Variants in SETBP1 observed in about 807,000 individuals in gnomAD.
SETBP1 encodes the protein SET-binding protein.
SETBP1 carries 9 observed loss-of-function variants against 101.0 expected under a neutral mutation model. The observed-to-expected ratio is 0.09, with a 90% CI of 0.05 to 0.16. The LOEUF (loss-of-function observed/expected upper bound fraction) is 0.16, where lower values mean the gene tolerates loss of function less well. Ranked by LOEUF, SETBP1 falls within the 10% of genes least tolerant of loss-of-function variation. SETBP1 has a pLI of 1.00. For synonymous variants in SETBP1, 818 were observed against 788.5 expected (o/e 1.04, Z -0.63); for missense variants, 1,858 against 2,033.8 (o/e 0.91, Z 1.66).
intron 2 of SETBP1, among the ~76,000 whole-genome samples, chr18:44,781,738 C>CA (rs1469709903): frequency 5.3e-5 from 8 of 152,130 alleles, no homozygotes; most frequent in Admixed American, 5.2e-4. Flanking sequence ...TACCACAATG[C>CA]AAAAAACTGA....
At chr18:44,968,779 T>C (rs2071776969) in intron 4 of SETBP1, among the ~76,000 whole-genome samples, 2 of 152,244 alleles carry the variant, frequency 1.3e-5, no homozygotes, top group African/African-American at 4.8e-5. Flanking sequence ...AATGACTTGC[T>C]CCTTGAGAGT....
intron 2 of SETBP1, among the ~76,000 whole-genome samples, chr18:44,727,601 A>T (rs1198835550): frequency 2.0e-5 from 3 of 152,198 alleles, no homozygotes; most frequent in Middle Eastern, 3.2e-3. Flanking sequence ...AACAACAATC[A>T]TTTACGCAAC....
intron 2 of SETBP1, among the ~76,000 whole-genome samples, chr18:44,828,083 AG>A (rs1390791123): frequency 6.6e-6 from 1 of 152,140 alleles, no homozygotes; most frequent in Non-Finnish European, 1.5e-5. Flanking sequence ...CACTTCTCAA[AG>A]TGTTCTTCTC....
At chr18:44,812,399 T>C (rs960917789) in intron 2 of SETBP1, among the ~76,000 whole-genome samples, 1 of 152,200 alleles carries the variant, frequency 6.6e-6, no homozygotes, top group African/African-American at 2.4e-5. Context: ...TTAGTGCTCC[T>C]AGATTCCTCT....
intron 4 of SETBP1, among the ~76,000 whole-genome samples, chr18:45,034,387 G>A (rs940368624): frequency 3.3e-5 from 5 of 152,108 alleles, no homozygotes; most frequent in Admixed American, 1.3e-4. Context: ...CTTCTGCATC[G>A]AAGGAGCAGG....
intron 2 of SETBP1, among the ~76,000 whole-genome samples, chr18:44,722,946 G>A (rs759324425): frequency 3.3e-5 from 5 of 152,222 alleles, no homozygotes; most frequent in Non-Finnish European, 7.3e-5. Flanking sequence ...AAAAATGGGA[G>A]TCCTTCTGAG....
intron 2 of SETBP1, among the ~76,000 whole-genome samples, chr18:44,781,297 T>G (rs1731711009): frequency 6.6e-6 from 1 of 152,200 alleles, no homozygotes; most frequent in Non-Finnish European, 1.5e-5. Context: ...AGGGTGGCTA[T>G]GCAAGGATAT....
At chr18:44,942,345 G>C (rs2145052696) in intron 3 of SETBP1, among the ~76,000 whole-genome samples, 1 of 152,288 alleles carries the variant, frequency 6.6e-6, no homozygotes, top group Middle Eastern at 3.4e-3. Context: ...GCTAGGCTTT[G>C]TGAAATCTTA....
chr18:45,060,319 A>G (rs1407688633), intron 5 of SETBP1, among the ~76,000 whole-genome samples: 3 of 151,974 alleles, frequency 2.0e-5, no homozygotes, highest in Non-Finnish European at 2.9e-5. Flanking sequence ...TTGCCCAATC[A>G]CTCTCCAAAA....
At chr18:44,984,752 A>G (rs572484000) in intron 4 of SETBP1, among the ~76,000 whole-genome samples, 3 of 152,266 alleles carry the variant, frequency 2.0e-5, no homozygotes, top group African/African-American at 4.8e-5. Context: ...TCATGTTACT[A>G]ATTATTATCA....
chr18:44,707,150 A>G (rs545341668), intron 2 of SETBP1, among the ~76,000 whole-genome samples: 1 of 152,330 alleles, frequency 6.6e-6, no homozygotes, highest in African/African-American at 2.4e-5. Context: ...AGCCAATTCT[A>G]TTAGACTCCA....
chr18:44,952,377 T>C lies in SETBP1; in HGVS notation c.3037T>C (p.Leu1013=), dbSNP rs1349896350. The C allele has an allele frequency of 1.2e-6, 2 of 1,614,010 alleles. No individual in the cohort carries two copies. Among genetic ancestry groups the C allele is most frequent in the African/African-American group, 2.7e-5 (2 of 74,902 alleles). Residue 1013 remains leucine (L), a synonymous_variant, in exon 4 of 6, where the codon TTG becomes CTG. Coordinates refer to ENST00000649279, the MANE Select transcript of SETBP1 (RefSeq NM_015559.3). Reference sequence around the variant, plus strand: ...GCTCTATCTTCGTAGGACTTCAGACTTGAAGTCAAAGAAGAAGCGTGGTAG... The same window carrying C: ...GCTCTATCTTCGTAGGACTTCAGACCTGAAGTCAAAGAAGAAGCGTGGTAG... ...PLLYLRRTSD[L]KSKKKRGRPA... is the part of the protein sequence containing the mutation.
At chr18:44,686,307 A>G (rs936873221) in intron 1 of SETBP1, among the ~76,000 whole-genome samples, 1 of 152,174 alleles carries the variant, frequency 6.6e-6, no homozygotes, top group Non-Finnish European at 1.5e-5. Flanking sequence ...ATTTTATGCA[A>G]TATGCCCCAG....
intron 3 of SETBP1, chr18:44,876,681 A>G (rs939508632): frequency 1.3e-6 from 2 of 1,540,110 alleles, no homozygotes; most frequent in Non-Finnish European, 1.7e-6. Context: ...CCCGGAACCC[A>G]TTCCCCGCAA....
chr18:44,811,775 C>T (rs2071866951), intron 2 of SETBP1, among the ~76,000 whole-genome samples: 1 of 152,202 alleles, frequency 6.6e-6, no homozygotes, highest in South Asian at 2.1e-4. Flanking sequence ...TACAAGCCTG[C>T]CATGGCTCTG....
intron 3 of SETBP1, among the ~76,000 whole-genome samples, chr18:44,928,084 C>T (rs890937346): frequency 6.6e-6 from 1 of 152,162 alleles, no homozygotes; most frequent in Admixed American, 6.5e-5. Flanking sequence ...TCACGCCTCA[C>T]CCCACCCCAC....
intron 4 of SETBP1, among the ~76,000 whole-genome samples, chr18:45,005,261 A>C (rs919409613): frequency 6.6e-6 from 1 of 152,218 alleles, no homozygotes; most frequent in Admixed American, 6.5e-5. Context: ...TTTTCAAACC[A>C]TTCTTAGACT....
At chr18:45,025,925 A>G (rs1341011118) in intron 4 of SETBP1, among the ~76,000 whole-genome samples, 1 of 152,202 alleles carries the variant, frequency 6.6e-6, no homozygotes, top group African/African-American at 2.4e-5. Flanking sequence ...ACATATATTT[A>G]TGTGCACGCA....
chr18:44,937,449 C>T (rs1173892503), intron 3 of SETBP1, among the ~76,000 whole-genome samples: 3 of 118,052 alleles, frequency 2.5e-5, no homozygotes, highest in Non-Finnish European at 3.5e-5. Context: ...AGCGAGACTC[C>T]GTCTCAAAAA....
Sources: allele counts gnomAD v4.1 joint callset (sites outside exome capture counted in the v4.1 genomes callset), GRCh38; gene constraint gnomAD v4.1.1; transcripts MANE v1.5; gene names NCBI Gene and HGNC (gene_info 2026-07-23, HGNC 2026-07-21).